Variants in SLC28A1 observed in about 807,000 individuals in gnomAD.
SLC28A1 encodes sodium/nucleoside cotransporter 1.
Under a neutral mutation model 74.8 loss-of-function variants are expected in SLC28A1, and 64 were observed. That is an observed-to-expected ratio of 0.86 (90% CI 0.70 to 1.05). The LOEUF (loss-of-function observed/expected upper bound fraction) is 1.05, where lower values mean the gene tolerates loss of function less well. Among genes scored for constraint, SLC28A1 ranks in the 50% least tolerant of loss-of-function variants. SLC28A1 has a pLI of 0.00. For synonymous variants in SLC28A1, 359 were observed against 335.0 expected, an observed-to-expected ratio of 1.07 and a Z score of -0.78; for missense variants, 828 against 822.8, an observed-to-expected ratio of 1.01 and a Z score of -0.08.
At chr15:84,915,670 C>T (rs763400830) in intron 9 of SLC28A1, among the ~76,000 whole-genome samples, 3 of 152,178 alleles carry the variant, frequency 2.0e-5, no homozygotes, top group Non-Finnish European at 4.4e-5. Context: ...CTGGCTCAGT[C>T]CTTACCGTTC....
At chr15:84,950,720 G>T (rs1215538968), downstream of SLC28A1, among the ~76,000 whole-genome samples, 1 of 151,940 alleles carries the variant, frequency 6.6e-6, no homozygotes, top group Non-Finnish European at 1.5e-5. Context: ...AAAAGAAAAA[G>T]GACTACATTT....
Position 84,901,286 on chromosome 15 carries a change from C to T in SLC28A1, c.462-2811C>T, listed in dbSNP as rs371059829. On this transcript the variant is annotated intron_variant, in intron 6 of 18. Coordinates refer to ENST00000394573, the MANE Select transcript of SLC28A1 (RefSeq NM_004213.5). ...TTTGGGAGGCCAAGGGTGGGTGGAT[C>T]CCCTGAGGTCAGGAGTTCAAAACCA... Among the ~76,000 whole-genome samples the T allele has an allele frequency of 1.2e-3, 182 of 152,316 alleles. 1 individual carries two copies. The highest frequency in any genetic ancestry group is 4.2e-3 in the African/African-American group (173 of 41,578).
intron 12 of SLC28A1, among the ~76,000 whole-genome samples, chr15:84,924,897 AT>A (rs756910084): frequency 5.7e-5 from 8 of 139,788 alleles, no homozygotes; most frequent in Non-Finnish European, 9.3e-5. Flanking sequence ...TTTTTTATTA[AT>A]TTTTTTTGTT....
chr15:84,909,280 G>A (rs1041034493), intron 9 of SLC28A1, among the ~76,000 whole-genome samples: 5 of 152,054 alleles, frequency 3.3e-5, no homozygotes, highest in Non-Finnish European at 5.9e-5. Context: ...TACTAGTCCC[G>A]CTGCAATAGC....
intron 12 of SLC28A1, 77 bp downstream of exon 12, chr15:84,924,187 G>T: frequency 4.7e-6 from 7 of 1,502,908 alleles, no homozygotes; most frequent in Non-Finnish European, 6.4e-6. Context: ...CACAGCTCCT[G>T]GCCAGAGCAG....
chr15:84,920,702 G>GT (rs762432632), intron 10 of SLC28A1, among the ~76,000 whole-genome samples: 15,076 of 133,718 alleles, frequency 0.11, 1,499 homozygotes, highest in East Asian at 0.36. Flanking sequence ...AATCTCCAAG[G>GT]GGTGTGTGTG....
At chr15:84,936,614 A>T (rs1023955284) in intron 15 of SLC28A1, among the ~76,000 whole-genome samples, 1 of 152,254 alleles carries the variant, frequency 6.6e-6, no homozygotes, top group South Asian at 2.1e-4. Flanking sequence ...TTCTGTTAAA[A>T]TTTATTTTTA....
chr15:84,966,057 G>C, the SLC28A1 span, among the ~76,000 whole-genome samples: 1 of 152,132 alleles, frequency 6.6e-6, no homozygotes, highest in Non-Finnish European at 1.5e-5. Flanking sequence ...TATGTTGTTG[G>C]TATTTTTTAA....
chr15:84,899,058 A>G (rs1441477573), intron 6 of SLC28A1, among the ~76,000 whole-genome samples: 2 of 152,164 alleles, frequency 1.3e-5, no homozygotes, highest in Non-Finnish European at 2.9e-5. Context: ...ACCCAAAAGG[A>G]GAAGAGGGAA....
At chr15:84,884,967 T>G (rs1412295776) in intron 1 of SLC28A1, among the ~76,000 whole-genome samples, 1 of 152,138 alleles carries the variant, frequency 6.6e-6, no homozygotes, top group Non-Finnish European at 1.5e-5. Context: ...TTTGTTTCTT[T>G]TCTGTTTTTG....
Position 84,897,114 on chromosome 15 carries a change from C to T in SLC28A1, c.461+1991C>T, listed in dbSNP as rs188006733. On this transcript the variant is annotated intron_variant, in intron 6 of 18. Coordinates refer to ENST00000394573, the MANE Select transcript of SLC28A1 (RefSeq NM_004213.5). Reference sequence around the variant, plus strand: ...ACTTTTGGCCAGGCACGGTGGCTCACGCCTGTAATCCCAGCACTTTGGGAG... The same window carrying T: ...ACTTTTGGCCAGGCACGGTGGCTCATGCCTGTAATCCCAGCACTTTGGGAG... Among the ~76,000 whole-genome samples, 123 of 151,608 alleles carry T rather than the reference C, an allele frequency of 8.1e-4. 1 individual carries two copies. The highest frequency in any genetic ancestry group is 2.8e-3 in the African/African-American group (116 of 41,288).
At chr15:84,893,571 G>C (rs76905904) in intron 5 of SLC28A1, among the ~76,000 whole-genome samples, 2 of 48,190 alleles carry the variant, frequency 4.2e-5, no homozygotes, top group East Asian at 8.2e-4. Context: ...GGGGGTCACC[G>C]GGGGGGCTTA....
chr15:84,901,519 AAAAC>A (rs769249624), intron 6 of SLC28A1, among the ~76,000 whole-genome samples: 2,843 of 137,014 alleles, frequency 0.021, 42 homozygotes, highest in South Asian at 0.03. Context: ...AAAAAAACAA[AAAAC>A]AAACAAACAA....
intron 5 of SLC28A1, 123 bp downstream of exon 5, chr15:84,890,657 T>A (rs760170131): frequency 1.2e-6 from 1 of 807,886 alleles, no homozygotes; most frequent in Non-Finnish European, 2.1e-6. Flanking sequence ...CCAACTCAGG[T>A]CCAGCTCCCT....
chr15:84,966,633 T>G, the SLC28A1 span, among the ~76,000 whole-genome samples: 6 of 152,204 alleles, frequency 3.9e-5, no homozygotes. Flanking sequence ...TTCATATGGC[T>G]GGGGAGGCCT....
chr15:84,945,245 C>A lies in SLC28A1; in HGVS notation c.*45C>A. The A allele has an allele frequency of 1.3e-6, 2 of 1,566,818 alleles. No individual in the cohort carries two copies. The highest frequency in any genetic ancestry group is 1.8e-6 in the Non-Finnish European group (2 of 1,137,184). On this transcript the variant is annotated 3_prime_UTR_variant, in exon 19 of 19. Transcript: ENST00000394573. ...TTCTGCGCTTCTGAGGGCTGTTCTC[C>A]CCCGGGAACCATCTGTCCCCACCTT...
chr15:84,952,203 G>C, the SLC28A1 span, among the ~76,000 whole-genome samples: 2 of 152,100 alleles, frequency 1.3e-5, no homozygotes, highest in Non-Finnish European at 2.9e-5. Context: ...ATTATGTTGA[G>C]AGCAAAAAAG....
chr15:84,971,864 G>C, the SLC28A1 span, among the ~76,000 whole-genome samples: 1 of 152,254 alleles, frequency 6.6e-6, no homozygotes, highest in South Asian at 2.1e-4. Flanking sequence ...GCCCAGGCTG[G>C]TGTCGAACTT....
intron 12 of SLC28A1, among the ~76,000 whole-genome samples, chr15:84,929,268 G>C (rs983087035): frequency 1.3e-5 from 2 of 152,098 alleles, no homozygotes; most frequent in African/African-American, 4.8e-5. Context: ...GCTATGGCCG[G>C]GCGCGGTGGC....
Sources: gnomAD v4.1 joint callset for allele counts (sites outside exome capture counted in the v4.1 genomes callset) on GRCh38, gnomAD v4.1.1 for gene constraint, MANE v1.5 for transcripts, NCBI Gene and HGNC (gene_info 2026-07-23, HGNC 2026-07-21) for gene names.